The following ZNF573 variants were observed in gnomAD, a reference collection of about 807,000 sequenced individuals.
The protein encoded by ZNF573 is zinc finger protein 573.
Under a neutral mutation model 57.4 loss-of-function variants are expected in ZNF573, and 41 were observed. That is an observed-to-expected ratio of 0.71 (90% CI 0.56 to 0.93). The LOEUF (loss-of-function observed/expected upper bound fraction) is 0.93, where lower values mean the gene tolerates loss of function less well. Ranked by LOEUF, ZNF573 falls within the 40% of genes least tolerant of loss-of-function variation. The pLI is 0.00. For synonymous variants in ZNF573, 249 were observed against 261.0 expected, an observed-to-expected ratio of 0.95 and a Z score of 0.44; for missense variants, 730 against 794.8, an observed-to-expected ratio of 0.92 and a Z score of 0.98.
chr19:37,744,047 C>T (rs1416680037), intron 4 of ZNF573, among the ~76,000 whole-genome samples: 4 of 150,932 alleles, frequency 2.7e-5, no homozygotes, highest in South Asian at 4.2e-4. Context: ...CAAACCACCA[C>T]GGCACACGTA....
At chr19:37,778,243 C>T (rs1457559703) in intron 1 of ZNF573, among the ~76,000 whole-genome samples, 2 of 141,094 alleles carry the variant, frequency 1.4e-5, no homozygotes, top group African/African-American at 5.2e-5. Context: ...AGGCTGGGTG[C>T]GGTGGCTCAC....
intron 4 of ZNF573, among the ~76,000 whole-genome samples, chr19:37,741,849 T>C (rs979490343): frequency 6.6e-6 from 1 of 151,978 alleles, no homozygotes; most frequent in African/African-American, 2.4e-5. Context: ...GAGAAAGAAA[T>C]AAAAGTATTC....
Position 37,738,523 on chromosome 19 carries a change from TG to T in ZNF573, c.1966del (p.His656IlefsTer8). On this transcript the variant is annotated frameshift_variant, in exon 5 of 5. Transcript: ENST00000536220. LOFTEE classifies it high-confidence loss of function. The part of the protein sequence containing the change: ...TFRYGSALKA[H>X]QRIHRSIKV ...TTTTATGCTCCTATGAATTCTCTGA[TG>T]GGCTTTAAGGGCTGAACCATATCTG... is the stretch of plus-strand genomic sequence containing the variant. 6.5e-7 allele frequency: 1 copy of T among 1,544,856 alleles called. No homozygotes were observed. The highest frequency in any genetic ancestry group is 8.7e-7 in the Non-Finnish European group (1 of 1,150,922).
intron 4 of ZNF573, among the ~76,000 whole-genome samples, chr19:37,747,756 C>G (rs1218236430): frequency 6.6e-6 from 1 of 151,576 alleles, no homozygotes; most frequent in Non-Finnish European, 1.5e-5. Context: ...CCAAGCTGGT[C>G]GGCTCACTGC....
At chr19:37,763,825 A>T (rs2045575078) in intron 4 of ZNF573, among the ~76,000 whole-genome samples, 1 of 152,164 alleles carries the variant, frequency 6.6e-6, no homozygotes, top group African/African-American at 2.4e-5. Flanking sequence ...ACACTTTGGG[A>T]GGCCAAGGTG....
At chr19:37,750,688 G>A (rs540421413) in intron 4 of ZNF573, among the ~76,000 whole-genome samples, 1 of 151,824 alleles carries the variant, frequency 6.6e-6, no homozygotes, top group African/African-American at 2.4e-5. Flanking sequence ...TATATAAATT[G>A]TTAAAAAACA....
At chr19:37,766,287 T>C (rs1456620438) in intron 4 of ZNF573, among the ~76,000 whole-genome samples, 2 of 152,128 alleles carry the variant, frequency 1.3e-5, no homozygotes, top group African/African-American at 4.8e-5. Flanking sequence ...GCTGAGAACC[T>C]AAACCATTCA....
chr19:37,778,902 G>A (rs189801344), intron 1 of ZNF573, among the ~76,000 whole-genome samples: 26 of 152,298 alleles, frequency 1.7e-4, no homozygotes, highest in African/African-American at 5.5e-4. Context: ...CTCTGGGAAA[G>A]ACGAGGTTCT....
chr19:37,761,830 A>T (rs533858217), intron 4 of ZNF573, among the ~76,000 whole-genome samples: 3 of 152,302 alleles, frequency 2.0e-5, no homozygotes, highest in Admixed American at 2.0e-4. Flanking sequence ...CTTCTTTCTA[A>T]AGGCTCCTGT....
chr19:37,759,119 A>C (rs1028053202), intron 4 of ZNF573: 1 of 524,992 alleles, frequency 1.9e-6, no homozygotes, highest in Non-Finnish European at 2.4e-6. Flanking sequence ...CCAGCTGAGC[A>C]ACCCAGTGAG....
At position 37,739,715 on chromosome 19, in the gene ZNF573, C is replaced by T. The variant is rs768004388; in HGVS notation, c.775G>A (p.Gly259Arg). 12 of 1,613,530 alleles carry T rather than the reference C, an allele frequency of 7.4e-6. No homozygotes were observed. In the South Asian group the frequency reaches 1.1e-4, roughly 15 times the overall value. ...ACTCTCTGATGAATTCTAAGATGTC[C>T]ACCTTGACTAAAGGCCCTCCCACAC... ...QECGRAFSQG[G>R]HLRIHQRVHT... Residue 259 changes from glycine to arginine, a missense_variant, in exon 5 of 5, where the codon GGA becomes AGA. Physicochemically the swap from Gly to Arg is moderately radical, Grantham distance 125 (BLOSUM62 -2). Coordinates refer to ENST00000536220, the MANE Select transcript of ZNF573 (RefSeq NM_001172690.2).
chr19:37,769,915 A>C (rs1033338874), intron 4 of ZNF573, 90 bp downstream of exon 4: 2 of 1,115,062 alleles, frequency 1.8e-6, no homozygotes, highest in African/African-American at 1.6e-5. Flanking sequence ...GGTGCCTTGG[A>C]GGAAGGTTTC....
intron 4 of ZNF573, among the ~76,000 whole-genome samples, chr19:37,747,825 T>C (rs2045395863): frequency 6.6e-6 from 1 of 152,136 alleles, no homozygotes; most frequent in African/African-American, 2.4e-5. Flanking sequence ...TAGCTGGGAC[T>C]ACAGGCGCCT....
In ZNF573 at chr19:37,738,741, T is replaced by C; in HGVS notation, c.1749A>G (p.Glu583=). ...TAAAGGCCTTTCCACATTCTTTACA[T>C]TCATAGGGTTTTTTATCAGCATGAA... ...QSIHADKKPY[E]CKECGKAFKM... Residue 583 remains glutamate, a synonymous_variant, in exon 5 of 5, where the codon GAA becomes GAG. Transcript: ENST00000536220. 6 of 1,613,896 alleles carry C rather than the reference T, an allele frequency of 3.7e-6. No individual in the cohort carries two copies. The highest frequency in any genetic ancestry group is 5.1e-6 in the Non-Finnish European group (6 of 1,179,972).
At chr19:37,772,947 CT>C (rs1375875783) in intron 2 of ZNF573, 2 of 985,188 alleles carry the variant, frequency 2.0e-6, no homozygotes, top group Non-Finnish European at 1.2e-6. Context: ...CCTTCATATA[CT>C]TTGTTGGACA....
chr19:37,742,730 G>A (rs2045338586), intron 4 of ZNF573, among the ~76,000 whole-genome samples: 1 of 152,132 alleles, frequency 6.6e-6, no homozygotes, highest in South Asian at 2.1e-4. Context: ...AACCCTAGAA[G>A]AAAACCTAGG....
At chr19:37,761,215 C>G (rs987943752) in intron 4 of ZNF573, among the ~76,000 whole-genome samples, 1 of 151,870 alleles carries the variant, frequency 6.6e-6, no homozygotes, top group Non-Finnish European at 1.5e-5. Flanking sequence ...AAAAAAAGAA[C>G]TGGTATAAGC....
At chr19:37,774,883 T>C (rs574678754) in intron 1 of ZNF573, among the ~76,000 whole-genome samples, 2 of 152,272 alleles carry the variant, frequency 1.3e-5, no homozygotes, top group Non-Finnish European at 2.9e-5. Context: ...TTAACACTGT[T>C]CATACATTAA....
intron 4 of ZNF573, among the ~76,000 whole-genome samples, chr19:37,767,340 T>C (rs1185582962): frequency 6.6e-6 from 1 of 152,144 alleles, no homozygotes; most frequent in Non-Finnish European, 1.5e-5. Context: ...GCTCTTCTCC[T>C]GCCTCAGCCT....
Sources: gnomAD v4.1 joint callset for allele counts (sites outside exome capture counted in the v4.1 genomes callset) on GRCh38, gnomAD v4.1.1 for gene constraint, MANE v1.5 for transcripts, NCBI Gene and HGNC (gene_info 2026-07-23, HGNC 2026-07-21) for gene names.